The following FHAD1 variants were observed in gnomAD, a reference collection of about 807,000 sequenced individuals.
FHAD1 encodes the protein forkhead associated phosphopeptide binding domain 1.
Under a neutral mutation model 191.3 loss-of-function variants are expected in FHAD1, and 146 were observed. The observed-to-expected ratio is 0.76, with a 90% CI of 0.67 to 0.88. FHAD1 has a LOEUF of 0.88. FHAD1 is among the 40% of genes least tolerant of loss of function. The probability of loss-of-function intolerance (pLI) is 0.00; values close to 1 mark genes in which losing one functional copy is unlikely to be tolerated. For missense variants in FHAD1, 1,635 were observed against 1,785.8 expected, an observed-to-expected ratio of 0.92 and a Z score of 1.52; for synonymous variants, 616 against 672.3, an observed-to-expected ratio of 0.92 and a Z score of 1.29.
intron 16 of FHAD1, among the ~76,000 whole-genome samples, chr1:15,343,407 C>T (rs1368221209): frequency 6.6e-6 from 1 of 151,694 alleles, no homozygotes; most frequent in African/African-American, 2.4e-5. Flanking sequence ...CAACTCTTCC[C>T]AGATATCTCC....
intron 2 of FHAD1, among the ~76,000 whole-genome samples, chr1:15,272,070 CCA>C (rs1290714490): frequency 6.6e-6 from 1 of 152,182 alleles, no homozygotes; most frequent in African/African-American, 2.4e-5. Flanking sequence ...CCTGATTTCC[CCA>C]CTCAACAACT....
At chr1:15,304,904 G>A (rs997346561) in intron 6 of FHAD1, among the ~76,000 whole-genome samples, 2 of 152,004 alleles carry the variant, frequency 1.3e-5, no homozygotes, top group African/African-American at 4.8e-5. Flanking sequence ...AAAACAGACT[G>A]TGAGCGCCAC....
chr1:15,392,068 A>C (rs1277987332), intron 33 of FHAD1, among the ~76,000 whole-genome samples: 2 of 152,160 alleles, frequency 1.3e-5, no homozygotes, highest in Non-Finnish European at 2.9e-5. Flanking sequence ...TTAGATGTGA[A>C]GCTCCCTGGA....
intron 7 of FHAD1, among the ~76,000 whole-genome samples, chr1:15,310,080 G>A (rs1442981028): frequency 1.3e-5 from 2 of 152,100 alleles, no homozygotes; most frequent in African/African-American, 4.8e-5. Flanking sequence ...GGCATGTCTC[G>A]AGACCTGCAG....
At chr1:15,306,878 C>A (rs376990614) in intron 6 of FHAD1, among the ~76,000 whole-genome samples, 1 of 152,226 alleles carries the variant, frequency 6.6e-6, no homozygotes, top group South Asian at 2.1e-4. Flanking sequence ...AATGTGGGGT[C>A]AGAGCCCCCA....
intron 4 of FHAD1, 45 bp from the exon 5 acceptor site, chr1:15,296,639 A>G (rs747312825): frequency 3.4e-6 from 5 of 1,475,108 alleles, no homozygotes; most frequent in Non-Finnish European, 4.6e-6. Flanking sequence ...GGCCTCAGGG[A>G]AACTCATGAT....
At chr1:15,238,120 AC>A (rs1209586394) in intron 1 of FHAD1, among the ~76,000 whole-genome samples, 2 of 151,800 alleles carry the variant, frequency 1.3e-5, no homozygotes, top group Non-Finnish European at 2.9e-5. Flanking sequence ...GGTGGCGCAC[AC>A]CTGTAACCCC....
In FHAD1 at chr1:15,318,917, G is replaced by T. The variant is rs1373629693; in HGVS notation, c.1365+989G>T. 6.6e-6 allele frequency among the ~76,000 whole-genome samples: 1 copy of T among 152,100 alleles called. No homozygotes were observed. The highest frequency in any genetic ancestry group is 6.5e-5 in the Admixed American group (1 of 15,274). On this transcript the variant is annotated intron_variant, in intron 10 of 33. Transcript: ENST00000688493. The surrounding 1 kb of genome is among the most constrained non-coding windows in gnomAD (Gnocchi z 4.1). ...ATCTTCGAGAGTCCTGAGCAGTGTGGACAGAATCTCTTTCTTTCCATTTGA... is the reference window on the plus strand; with the variant it reads ...ATCTTCGAGAGTCCTGAGCAGTGTGTACAGAATCTCTTTCTTTCCATTTGA...
chr1:15,261,885 G>A (rs76931070), intron 2 of FHAD1, among the ~76,000 whole-genome samples: 1,843 of 152,224 alleles, frequency 0.012, 53 homozygotes, highest in African/African-American at 0.042. Context: ...GTCGTCCCAG[G>A]CACTTGGGTG....
rs1405722945 is a variant in FHAD1, at chr1:15,391,207, A to T, written c.4270-3A>T. 1.0e-5 allele frequency: 13 copies of T among 1,283,692 alleles called. No individual in the cohort carries two copies. Among genetic ancestry groups the T allele is most frequent in the Middle Eastern group, 4.2e-4 (2 of 4,710 alleles). The allele number at this position is 1,283,692 out of a possible 1,614,324, so 79.5% of individuals were successfully genotyped here. ...TTTTGTTCTTATTCTTTCTGTATTGAAGAGACGAGTATTTGTAGAGATGGT... is the reference window on the plus strand; with the variant it reads ...TTTTGTTCTTATTCTTTCTGTATTGTAGAGACGAGTATTTGTAGAGATGGT... On this transcript the variant is annotated splice_region_variant and splice_polypyrimidine_tract_variant and intron_variant, in intron 32 of 33. Transcript: ENST00000688493.
intron 2 of FHAD1, among the ~76,000 whole-genome samples, chr1:15,271,857 C>T (rs186547777): frequency 6.6e-6 from 1 of 152,156 alleles, no homozygotes; most frequent in East Asian, 1.9e-4. Context: ...CCATTTTTGC[C>T]TCCTGTCCTG....
intron 31 of FHAD1, among the ~76,000 whole-genome samples, chr1:15,387,385 C>T (rs976028726): frequency 4.6e-5 from 7 of 152,128 alleles, no homozygotes; most frequent in African/African-American, 1.2e-4. Context: ...GGTAACCACG[C>T]GCCCTCACCA....
At chr1:15,368,882 G>A (rs1235048571) in intron 25 of FHAD1, among the ~76,000 whole-genome samples, 3 of 152,080 alleles carry the variant, frequency 2.0e-5, no homozygotes, top group Non-Finnish European at 2.9e-5. Flanking sequence ...AGGTTGCAGT[G>A]AGCCAAGATC....
chr1:15,313,727 G>C (rs1673024615), intron 8 of FHAD1, among the ~76,000 whole-genome samples: 1 of 152,144 alleles, frequency 6.6e-6, no homozygotes, highest in Non-Finnish European at 1.5e-5. Flanking sequence ...GTGTGGGTAA[G>C]AATATTCTGT....
intron 26 of FHAD1, among the ~76,000 whole-genome samples, chr1:15,371,909 G>T (rs986515462): frequency 1.8e-4 from 27 of 152,334 alleles, no homozygotes; most frequent in African/African-American, 6.3e-4. Context: ...TACAGCTCCT[G>T]TTTCTGACAG....
chr1:15,329,176 G>A lies in FHAD1; in HGVS notation c.1711-170G>A. 1 of 529,266 alleles carries A rather than the reference G, an allele frequency of 1.9e-6. No individual in the cohort carries two copies. Among genetic ancestry groups the A allele is most frequent in the Non-Finnish European group, 3.3e-6 (1 of 301,260 alleles). 32.8% of individuals were successfully genotyped at this position (529,266 alleles called of 1,614,324 possible). A position where few individuals can be genotyped will look rare whatever the true frequency, so the allele number is the denominator to read the frequency against. ...AAATTAGAGTATTAAAAAAAAACCTGTCAAAACATAAAAATTTTAAAAAAG... is the reference window on the plus strand; with the variant it reads ...AAATTAGAGTATTAAAAAAAAACCTATCAAAACATAAAAATTTTAAAAAAG... On this transcript the variant is annotated intron_variant, in intron 13 of 33. Coordinates refer to ENST00000688493, the MANE Select transcript of FHAD1 (RefSeq NM_001391957.1). This position sits in a 1 kb window ranked among gnomAD's most constrained non-coding sequence, Gnocchi z 5.0.
chr1:15,360,943 G>A (rs893643706), intron 22 of FHAD1, among the ~76,000 whole-genome samples: 7 of 152,166 alleles, frequency 4.6e-5, no homozygotes, highest in Admixed American at 2.0e-4. Flanking sequence ...GTGAGCCGGC[G>A]AGACACACAG....
Position 15,272,327 on chromosome 1 carries a change from C to T in FHAD1, c.98C>T (p.Pro33Leu). Residue 33 changes from proline (P) to leucine (L), a missense_variant, in exon 3 of 34, where the codon CCT (proline) becomes CTT (leucine). Pro to Leu is a moderately conservative substitution (Grantham distance 98). Transcript: ENST00000688493. ...TGTCCTCCTTCTCCGTTGCAGTCTCCTGACATCGACAACCACCATGCACTC... is the reference window on the plus strand; with the variant it reads ...TGTCCTCCTTCTCCGTTGCAGTCTCTTGACATCGACAACCACCATGCACTC... ...HENSDLVLQSPDIDNHHALIE... is the reference protein window; with the variant it reads ...HENSDLVLQSLDIDNHHALIE... 2 of 1,549,630 alleles carry T rather than the reference C, an allele frequency of 1.3e-6. No homozygotes were observed. Among genetic ancestry groups the T allele is most frequent in the South Asian group, 2.4e-5 (2 of 84,038 alleles).
At chr1:15,345,768 C>T (rs1046561613) in intron 18 of FHAD1, among the ~76,000 whole-genome samples, 4 of 152,046 alleles carry the variant, frequency 2.6e-5, no homozygotes, top group African/African-American at 7.3e-5. Flanking sequence ...AGAGAGAGAG[C>T]GCTTGGGAGA....
Sources: gnomAD v4.1 joint callset for allele counts (sites outside exome capture counted in the v4.1 genomes callset) on GRCh38, gnomAD v4.1.1 for gene constraint, Gnocchi (gnomAD v3.1) non-coding constraint, MANE v1.5 for transcripts, NCBI Gene and HGNC (gene_info 2026-07-23, HGNC 2026-07-21) for gene names.